Variants in ASTN2 observed in about 807,000 individuals in gnomAD.
ASTN2 encodes astrotactin-2.
In ASTN2, 54 loss-of-function variants were observed where a neutral mutation model predicts 139.8. That is an observed-to-expected ratio of 0.39 (90% CI 0.31 to 0.48). The LOEUF (loss-of-function observed/expected upper bound fraction) is 0.48. Among genes scored for constraint, ASTN2 ranks in the 20% least tolerant of loss-of-function variants. ASTN2 has a pLI of 0.95. For synonymous variants in ASTN2, 756 were observed against 719.5 expected, an observed-to-expected ratio of 1.05 and a Z score of -0.81; for missense variants, 1,565 against 1,725.1, an observed-to-expected ratio of 0.91 and a Z score of 1.64.
chr9:116,530,098 T>G (rs1199156999), intron 19 of ASTN2, among the ~76,000 whole-genome samples: 8 of 6,340 alleles, frequency 1.3e-3, no homozygotes, highest in Non-Finnish European at 2.5e-3. Flanking sequence ...AAGTGTGATA[T>G]ATATATATAT....
chr9:116,888,786 C>A (rs556844825), intron 10 of ASTN2, among the ~76,000 whole-genome samples: 9 of 152,168 alleles, frequency 5.9e-5, no homozygotes, highest in African/African-American at 2.2e-4. Context: ...GTTTGCTGCA[C>A]CTATCAACCC....
At chr9:116,859,416 T>C (rs943623422) in intron 11 of ASTN2, among the ~76,000 whole-genome samples, 1 of 152,200 alleles carries the variant, frequency 6.6e-6, no homozygotes, top group Non-Finnish European at 1.5e-5. Flanking sequence ...AGCAAAAATA[T>C]GTCAGATTTT....
At position 116,699,893 on chromosome 9, in the gene ASTN2, A is replaced by G. The variant is rs2132076918; in HGVS notation, c.2806+25878T>C. 2.6e-6 allele frequency: 2 copies of G among 780,874 alleles called. No individual in the cohort carries two copies. The highest frequency in any genetic ancestry group is 5.4e-5 in the East Asian group (2 of 37,098). The allele number at this position is 780,874 out of a possible 1,614,324, so 48.4% of individuals were successfully genotyped here. On this transcript the variant is annotated intron_variant, in intron 16 of 22. Coordinates refer to ENST00000313400, the MANE Select transcript of ASTN2 (RefSeq NM_001365068.1). This position sits in a 1 kb window ranked among gnomAD's most constrained non-coding sequence, Gnocchi z 4.2. ...GTCCCCCTCCCCGCTTCCCACCTAA[A>G]TTTAGAGCTTTAAAAGATGCACTGC...
intron 2 of ASTN2, among the ~76,000 whole-genome samples, chr9:117,285,657 C>A (rs1284047211): frequency 6.6e-6 from 1 of 152,172 alleles, no homozygotes; most frequent in African/African-American, 2.4e-5. Context: ...TATTATTCCT[C>A]TCTAAACCCC....
intron 10 of ASTN2, among the ~76,000 whole-genome samples, chr9:116,974,763 C>A (rs1185289246): frequency 1.3e-5 from 2 of 152,074 alleles, no homozygotes; most frequent in Non-Finnish European, 2.9e-5. Context: ...CCTGCCTTGG[C>A]CTCCCAAAGT....
chr9:117,076,082 T>C (rs1828273011), intron 5 of ASTN2, among the ~76,000 whole-genome samples: 1 of 152,122 alleles, frequency 6.6e-6, no homozygotes, highest in South Asian at 2.1e-4. Flanking sequence ...GGCTTCACAG[T>C]CTGGTTGGAA....
intron 2 of ASTN2, among the ~76,000 whole-genome samples, chr9:117,221,293 C>T (rs1228467554): frequency 2.0e-5 from 3 of 152,076 alleles, no homozygotes; most frequent in African/African-American, 7.2e-5. Flanking sequence ...CAAACCACCC[C>T]ACCAAGAGAG....
intron 11 of ASTN2, among the ~76,000 whole-genome samples, chr9:116,850,476 A>G (rs1432414273): frequency 1.3e-5 from 2 of 152,166 alleles, no homozygotes; most frequent in Non-Finnish European, 1.5e-5. Flanking sequence ...TGGTTACTGG[A>G]GTCCTTATTT....
chr9:116,959,457 C>A (rs1263615563), intron 10 of ASTN2, among the ~76,000 whole-genome samples: 3 of 152,034 alleles, frequency 2.0e-5, no homozygotes, highest in African/African-American at 7.2e-5. Context: ...GCAAGCGGAG[C>A]AATGGAAGGG....
intron 19 of ASTN2, among the ~76,000 whole-genome samples, chr9:116,568,029 A>T (rs1853323039): frequency 6.6e-6 from 1 of 152,222 alleles, no homozygotes; most frequent in Non-Finnish European, 1.5e-5. Flanking sequence ...AGATGCGATT[A>T]AACAGCTAAC....
chr9:116,710,070 A>T (rs965594709), intron 16 of ASTN2, among the ~76,000 whole-genome samples: 1 of 152,170 alleles, frequency 6.6e-6, no homozygotes, highest in Non-Finnish European at 1.5e-5. Flanking sequence ...CACATCTGGG[A>T]AAACTGATAG....
chr9:117,057,763 G>A (rs1839104062), intron 5 of ASTN2, among the ~76,000 whole-genome samples: 1 of 152,106 alleles, frequency 6.6e-6, no homozygotes, highest in African/African-American at 2.4e-5. Flanking sequence ...TCAGCAGCTC[G>A]AGGCAAGAAA....
At chr9:117,020,106 C>A (rs1331251989) in intron 6 of ASTN2, among the ~76,000 whole-genome samples, 1 of 150,588 alleles carries the variant, frequency 6.6e-6, no homozygotes, top group East Asian at 2.0e-4. Context: ...ATCAACTGGG[C>A]AGACTAGGAT....
chr9:117,086,489 G>A (rs571296796), intron 5 of ASTN2, among the ~76,000 whole-genome samples: 25 of 152,222 alleles, frequency 1.6e-4, no homozygotes, highest in African/African-American at 4.1e-4. Flanking sequence ...CAGGAGAATC[G>A]CTTGAACACA....
intron 13 of ASTN2, among the ~76,000 whole-genome samples, chr9:116,759,731 C>T (rs891300378): frequency 2.6e-5 from 4 of 152,006 alleles, no homozygotes; most frequent in Non-Finnish European, 2.9e-5. Context: ...CACTTATAAC[C>T]ACTGGAAATA....
At chr9:117,226,674 G>A (rs548106999) in intron 2 of ASTN2, among the ~76,000 whole-genome samples, 1 of 152,298 alleles carries the variant, frequency 6.6e-6, no homozygotes, top group Admixed American at 6.5e-5. Flanking sequence ...TTCATTAACA[G>A]ATGACAAAAG....
chr9:116,718,992 C>CTATA (rs1828400450), intron 16 of ASTN2, among the ~76,000 whole-genome samples: 1 of 34,476 alleles, frequency 2.9e-5, no homozygotes, highest in African/African-American at 1.1e-4. Context: ...ATATATATAT[C>CTATA]TGCCTATAAG....
chr9:116,483,751 A>C (rs1343803921), intron 20 of ASTN2, among the ~76,000 whole-genome samples: 1 of 152,156 alleles, frequency 6.6e-6, no homozygotes, highest in Middle Eastern at 3.2e-3. Flanking sequence ...AGGAGGAGAG[A>C]GGGGATGAAA....
At chr9:116,824,962 C>T (rs1831585887) in intron 11 of ASTN2, among the ~76,000 whole-genome samples, 1 of 152,136 alleles carries the variant, frequency 6.6e-6, no homozygotes, top group African/African-American at 2.4e-5. Context: ...AGGTTTTAGT[C>T]TTTTCTCCTC....
Sources: gnomAD v4.1 joint callset for allele counts (sites outside exome capture counted in the v4.1 genomes callset) on GRCh38, gnomAD v4.1.1 for gene constraint, Gnocchi (gnomAD v3.1) non-coding constraint, MANE v1.5 for transcripts, NCBI Gene and HGNC (gene_info 2026-07-23, HGNC 2026-07-21) for gene names.